GHR: variants seen among roughly 807,000 people sequenced by gnomAD.
GHR encodes GH receptor.
Under a neutral mutation model 67.1 loss-of-function variants are expected in GHR, and 35 were observed. That is an observed-to-expected ratio of 0.52 (90% CI 0.40 to 0.69). GHR has a LOEUF of 0.69. Among genes scored for constraint, GHR ranks in the 30% least tolerant of loss-of-function variants. GHR has a pLI of 0.00. For missense variants in GHR, 792 were observed against 764.6 expected, an observed-to-expected ratio of 1.04 and a Z score of -0.42; for synonymous variants, 272 against 269.1, an observed-to-expected ratio of 1.01 and a Z score of -0.10.
intron 6 of GHR, 77 bp downstream of exon 6, chr5:42,700,079 T>A (rs1757862423): frequency 1.2e-6 from 1 of 857,736 alleles, no homozygotes; most frequent in Admixed American, 2.0e-5. Context: ...CATTAGACTT[T>A]CCTTTGACCT....
rs753658185 is a variant in GHR, at chr5:42,713,482, G to A, written c.838G>A (p.Val280Met). ...IIIFGIFGLT[V>M]MLFVFLFSKQ... ...TATCTTTGGAATATTTGGGCTAACAGTGATGCTATTTGTATTCTTATTTTC... is the reference window on the plus strand; with the variant it reads ...TATCTTTGGAATATTTGGGCTAACAATGATGCTATTTGTATTCTTATTTTC... Residue 280 changes from valine to methionine, a missense_variant, in exon 8 of 10, where the codon GTG becomes ATG. Val to Met is a conservative substitution (Grantham distance 21). Coordinates refer to ENST00000230882, the MANE Select transcript of GHR (RefSeq NM_000163.5). 6 of 1,502,304 alleles carry A rather than the reference G, an allele frequency of 4.0e-6. No individual in the cohort carries two copies. The highest frequency in any genetic ancestry group is 3.7e-6 in the Non-Finnish European group (4 of 1,081,700). The allele number at this position is 1,502,304 out of a possible 1,614,324, so 93.1% of individuals were successfully genotyped here.
chr5:42,685,484 G>C (rs534313448), intron 3 of GHR, among the ~76,000 whole-genome samples: 2 of 152,242 alleles, frequency 1.3e-5, no homozygotes, highest in African/African-American at 2.4e-5. Context: ...GGGTCAAATG[G>C]TATTTCTAGT....
At chr5:42,437,410 A>G (rs1001463467) in intron 1 of GHR, among the ~76,000 whole-genome samples, 2 of 152,182 alleles carry the variant, frequency 1.3e-5, no homozygotes, top group African/African-American at 2.4e-5. Flanking sequence ...CAGAGGACAG[A>G]GCCATGTTGG....
At chr5:42,544,089 C>T (rs1390446556) in intron 1 of GHR, among the ~76,000 whole-genome samples, 2 of 152,032 alleles carry the variant, frequency 1.3e-5, no homozygotes, top group Non-Finnish European at 2.9e-5. Flanking sequence ...GCTTAAAAGC[C>T]TAAAGGCAGC....
intron 1 of GHR, among the ~76,000 whole-genome samples, chr5:42,430,925 T>C (rs922023236): frequency 3.3e-5 from 5 of 152,116 alleles, no homozygotes; most frequent in African/African-American, 1.2e-4. Flanking sequence ...TAATAGTAAA[T>C]TAGATGTCAA....
rs1686728528 is a variant in GHR at position 42,653,843 on chromosome 5, T to A, written c.136+24740T>A. Among the ~76,000 whole-genome samples, 4 of 152,174 alleles carry A rather than the reference T, an allele frequency of 2.6e-5. No homozygotes were observed. In the South Asian group the frequency reaches 8.3e-4, roughly 32 times the overall value. ...ATAAAATTTCCTCTAAGATACGAAC[T>A]CTGTGTTCTAGTCCAAATCAAGTGA... On this transcript the variant is annotated intron_variant, in intron 3 of 9. Coordinates refer to ENST00000230882, the MANE Select transcript of GHR (RefSeq NM_000163.5).
chr5:42,682,306 C>A (rs540739834), intron 3 of GHR, among the ~76,000 whole-genome samples: 1 of 152,154 alleles, frequency 6.6e-6, no homozygotes, highest in Non-Finnish European at 1.5e-5. Flanking sequence ...TTGAACTATA[C>A]TATTTTTAGA....
intron 3 of GHR, among the ~76,000 whole-genome samples, chr5:42,652,915 G>T (rs1037990131): frequency 1.3e-5 from 2 of 151,996 alleles, no homozygotes; most frequent in Non-Finnish European, 2.9e-5. Flanking sequence ...TCCTGATGTA[G>T]AAATCTTCTT....
chr5:42,677,863 T>C (rs191660097), intron 3 of GHR, among the ~76,000 whole-genome samples: 1 of 152,328 alleles, frequency 6.6e-6, no homozygotes, highest in East Asian at 1.9e-4. Flanking sequence ...GATATACTTA[T>C]AATTACATGT....
chr5:42,692,353 G>T (rs1437251146), intron 4 of GHR, among the ~76,000 whole-genome samples: 1 of 151,782 alleles, frequency 6.6e-6, no homozygotes, highest in African/African-American at 2.4e-5. Flanking sequence ...TCACAAGATA[G>T]TCTGGGAGCA....
chr5:42,580,630 G>A (rs1254262793), intron 2 of GHR, among the ~76,000 whole-genome samples: 8 of 152,150 alleles, frequency 5.3e-5, no homozygotes, highest in Non-Finnish European at 8.8e-5. Flanking sequence ...TGAGGAAGCC[G>A]AGGCCCAGAG....
chr5:42,442,290 T>G (rs149544010), intron 1 of GHR, among the ~76,000 whole-genome samples: 131 of 152,350 alleles, frequency 8.6e-4, no homozygotes, highest in African/African-American at 3.1e-3. Flanking sequence ...AAGGCTCAGC[T>G]GAGGCTGATG....
chr5:42,660,979 G>A (rs949538985), intron 3 of GHR, among the ~76,000 whole-genome samples: 41 of 152,178 alleles, frequency 2.7e-4, no homozygotes, highest in Admixed American at 1.3e-4. Flanking sequence ...CTCAGGAGCC[G>A]ATGCGATCAG....
chr5:42,663,154 C>G (rs1051318952), intron 3 of GHR, among the ~76,000 whole-genome samples: 11 of 152,202 alleles, frequency 7.2e-5, no homozygotes, highest in African/African-American at 1.9e-4. Context: ...CAGCCGAATT[C>G]TACCAGAGGT....
intron 2 of GHR, among the ~76,000 whole-genome samples, chr5:42,594,725 G>A (rs1363974547): frequency 6.6e-6 from 1 of 151,734 alleles, no homozygotes; most frequent in Admixed American, 6.6e-5. Flanking sequence ...TTGTCTTGTG[G>A]GTCCTTTATA....
At chr5:42,513,620 T>C (rs1214357828) in intron 1 of GHR, among the ~76,000 whole-genome samples, 1 of 152,092 alleles carries the variant, frequency 6.6e-6, no homozygotes, top group African/African-American at 2.4e-5. Context: ...TTGTCGCTAC[T>C]GAAAATACAA....
intron 1 of GHR, among the ~76,000 whole-genome samples, chr5:42,457,238 G>A (rs1329904367): frequency 1.3e-5 from 2 of 152,068 alleles, no homozygotes; most frequent in Non-Finnish European, 2.9e-5. Context: ...GGATTTAAGT[G>A]GGTATATTTG....
intron 3 of GHR, among the ~76,000 whole-genome samples, chr5:42,653,781 A>C (rs1272802084): frequency 6.6e-6 from 1 of 152,144 alleles, no homozygotes; most frequent in Non-Finnish European, 1.5e-5. Context: ...GTGAAATTCA[A>C]CAGCTGACCT....
chr5:42,556,648 C>T (rs1749325051), intron 1 of GHR, among the ~76,000 whole-genome samples: 1 of 152,254 alleles, frequency 6.6e-6, no homozygotes, highest in Admixed American at 6.5e-5. Context: ...TTCAAATAAG[C>T]GGCCATGCAA....
Sources: allele counts gnomAD v4.1 joint callset (sites outside exome capture counted in the v4.1 genomes callset), GRCh38; gene constraint gnomAD v4.1.1; transcripts MANE v1.5; gene names NCBI Gene and HGNC (gene_info 2026-07-23, HGNC 2026-07-21).